CFAP92: variants seen among roughly 807,000 people sequenced by gnomAD.
CFAP92 encodes the protein cilia and flagella associated protein 92 (putative).
CFAP92 carries 86 observed loss-of-function variants against 106.3 expected under a neutral mutation model. The ratio of observed to expected loss-of-function variants is 0.81; its 90% CI spans 0.68 to 0.97. The LOEUF is 0.97. Ranked by LOEUF, CFAP92 falls within the 50% of genes least tolerant of loss-of-function variation. The pLI is 0.00. For synonymous variants in CFAP92, 477 were observed against 506.4 expected (o/e 0.94, Z 0.78); for missense variants, 1,204 against 1,283.8 (o/e 0.94, Z 0.95).
intron 9 of CFAP92, 40 bp from the exon 10 acceptor site, chr3:128,946,015 A>G: frequency 7.3e-7 from 1 of 1,375,936 alleles, no homozygotes; most frequent in Non-Finnish European, 9.5e-7. Flanking sequence ...CCCAGCCACA[A>G]GGACAGTCAC....
chr3:128,976,936 A>AG, intron 6 of CFAP92, 43 bp downstream of exon 6: 1 of 1,471,944 alleles, frequency 6.8e-7, no homozygotes, highest in African/African-American at 1.4e-5. Flanking sequence ...CTAGTACAAG[A>AG]GGGGCTCCAC....
intron 4 of CFAP92, among the ~76,000 whole-genome samples, chr3:128,985,502 A>T (rs1943795683): frequency 6.6e-6 from 1 of 152,100 alleles, no homozygotes; most frequent in South Asian, 2.1e-4. Flanking sequence ...AGGCCCTAGA[A>T]CACCTTTTCT....
intron 6 of CFAP92, among the ~76,000 whole-genome samples, chr3:128,976,697 C>A (rs941046792): frequency 3.3e-5 from 5 of 152,170 alleles, no homozygotes; most frequent in African/African-American, 1.2e-4. Flanking sequence ...TTGTGTAAAC[C>A]ATTTAATTAC....
intron 11 of CFAP92, 85 bp from the exon 12 acceptor site, chr3:128,933,082 A>G: frequency 7.9e-7 from 1 of 1,270,416 alleles, no homozygotes; most frequent in Non-Finnish European, 1.1e-6. Context: ...CAGGAAATGA[A>G]CACTCAGAGG....
intron 4 of CFAP92, among the ~76,000 whole-genome samples, chr3:128,982,370 A>G (rs1943587203): frequency 6.6e-6 from 1 of 152,228 alleles, no homozygotes; most frequent in Admixed American, 6.5e-5. Context: ...CACCTCTCTC[A>G]GCCTTCATGG....
intron 4 of CFAP92, among the ~76,000 whole-genome samples, chr3:128,980,108 T>G (rs898978606): frequency 1.1e-4 from 17 of 151,790 alleles, no homozygotes; most frequent in Admixed American, 7.2e-4. Context: ...CAGTGGCTCA[T>G]GCCTGTAATA....
At chr3:128,919,093 G>A (rs185889596) in intron 12 of CFAP92, among the ~76,000 whole-genome samples, 135 of 152,006 alleles carry the variant, frequency 8.9e-4, no homozygotes, top group African/African-American at 3.0e-3. Context: ...GATTACAGGC[G>A]TGTGCCACCA....
intron 15 of CFAP92, chr3:128,913,073 A>G (rs77961377): frequency 1.5e-5 from 7 of 454,100 alleles, no homozygotes; most frequent in Non-Finnish European, 3.1e-5. Context: ...ACCAGGAACC[A>G]TTTAACAAAG....
chr3:128,916,818 TG>T (rs1232225170), intron 12 of CFAP92, among the ~76,000 whole-genome samples: 1 of 152,046 alleles, frequency 6.6e-6, no homozygotes, highest in Non-Finnish European at 1.5e-5. Context: ...CACAGAAGGC[TG>T]GGGGGAAAGG....
chr3:128,999,459 G>T (rs1210535874), intron 1 of CFAP92, among the ~76,000 whole-genome samples: 2 of 152,094 alleles, frequency 1.3e-5, no homozygotes, highest in Non-Finnish European at 1.5e-5. Flanking sequence ...TGCAGGGATG[G>T]GGGGTGGGGA....
At chr3:128,939,539 C>G (rs181062348) in intron 10 of CFAP92, among the ~76,000 whole-genome samples, 139 of 152,082 alleles carry the variant, frequency 9.1e-4, no homozygotes, top group Non-Finnish European at 1.7e-3. Context: ...CAACCACCAC[C>G]ACCATCATCA....
intron 1 of CFAP92, chr3:129,002,021 GGCGCTGCGC>G: frequency 6.5e-7 from 1 of 1,544,924 alleles, no homozygotes; most frequent in Non-Finnish European, 8.7e-7. Context: ...AGGCGCGCCT[GGCGCTGCGC>G]GCCGAGCCGC....
intron 10 of CFAP92, among the ~76,000 whole-genome samples, chr3:128,940,809 T>TA (rs1343029787): frequency 6.6e-6 from 1 of 152,086 alleles, no homozygotes; most frequent in Admixed American, 6.6e-5. Flanking sequence ...GTATCTTCTT[T>TA]AAAAAAGACC....
At chr3:129,001,556 G>A (rs1944747756) in intron 1 of CFAP92, 2 of 1,348,248 alleles carry the variant, frequency 1.5e-6, no homozygotes, top group South Asian at 3.7e-5. Flanking sequence ...GAGAAACTCT[G>A]GGGCCGCCCC....
chr3:128,916,152 A>C lies in CFAP92; in HGVS notation c.2871T>G (p.Asn957Lys). 2.4e-6 allele frequency: 3 copies of C among 1,232,158 alleles called. No individual in the cohort carries two copies. Among genetic ancestry groups the C allele is most frequent in the Non-Finnish European group, 3.0e-6 (3 of 987,998 alleles). The allele number at this position is 1,232,158 out of a possible 1,614,324, so 76.3% of individuals were successfully genotyped here. Residue 957 changes from asparagine (N) to lysine (K), a missense_variant, in exon 13 of 16, where the codon AAT (asparagine) becomes AAG (lysine). Physicochemically the swap from Asn to Lys is moderately conservative, Grantham distance 94. Transcript: ENST00000645291. ...GCTCCTTCTTGGCAAGCTCTGTAGA[A>C]TTCATGGTCTGGGTACTATAGTTGT... ...AVYNYSTQTM[N>K]STELAKKELY...
At chr3:128,975,628 A>G in intron 7 of CFAP92, 151 bp downstream of exon 7, 3 of 651,440 alleles carry the variant, frequency 4.6e-6, no homozygotes, top group East Asian at 3.1e-5. Flanking sequence ...GATGGGATGC[A>G]TAAGTTGAAA....
Position 128,943,403 on chromosome 3 carries a change from A to G in CFAP92, c.2258+1668T>C, listed in dbSNP as rs189923317. The stretch of plus-strand genomic sequence containing the variant: ...GGTTATCCCTGGCAACCACCGGCCT[A>G]CCTATCTCTATGGATTTGCCGGTTC... On this transcript the variant is annotated intron_variant, in intron 10 of 15. Coordinates refer to ENST00000645291, the MANE Select transcript of CFAP92 (RefSeq NM_001394090.1). Among the ~76,000 whole-genome samples the G allele has an allele frequency of 1.0e-3, 157 of 152,178 alleles. 2 individuals carry two copies. Among genetic ancestry groups the G allele is most frequent in the Middle Eastern group, 0.01 (3 of 294 alleles).
At chr3:128,962,529 T>C (rs1942014962) in intron 9 of CFAP92, among the ~76,000 whole-genome samples, 1 of 152,126 alleles carries the variant, frequency 6.6e-6, no homozygotes, top group Admixed American at 6.6e-5. Context: ...ATCTCATTGC[T>C]GCCCTTCTTC....
At chr3:128,944,481 G>A (rs1010674077) in intron 10 of CFAP92, among the ~76,000 whole-genome samples, 5 of 152,104 alleles carry the variant, frequency 3.3e-5, no homozygotes, top group African/African-American at 1.2e-4. Context: ...GAACTCTGAG[G>A]ACAGATGGGG....
Sources: gnomAD v4.1 joint callset for allele counts (sites outside exome capture counted in the v4.1 genomes callset) on GRCh38, gnomAD v4.1.1 for gene constraint, MANE v1.5 for transcripts, NCBI Gene and HGNC (gene_info 2026-07-23, HGNC 2026-07-21) for gene names.